The following CCDC148 variants were observed in gnomAD, a reference collection of about 807,000 sequenced individuals.
CCDC148 encodes the protein coiled-coil domain-containing protein 148.
Under a neutral mutation model 85.7 loss-of-function variants are expected in CCDC148, and 89 were observed. That is an observed-to-expected ratio of 1.04 (90% CI 0.87 to 1.24). CCDC148 has a LOEUF of 1.24. CCDC148 is among the 50% of genes most tolerant of loss of function. CCDC148 has a pLI of 0.00. For synonymous variants in CCDC148, 230 were observed against 213.9 expected (o/e 1.08, Z -0.66); for missense variants, 692 against 671.7 (o/e 1.03, Z -0.33).
At chr2:158,229,435 G>T (rs143311682) in intron 10 of CCDC148, among the ~76,000 whole-genome samples, 2 of 152,152 alleles carry the variant, frequency 1.3e-5, no homozygotes, top group African/African-American at 4.8e-5. Context: ...TGACATAATT[G>T]TAGGAACTAG....
At chr2:158,365,171 G>T (rs1684141186) in intron 1 of CCDC148, among the ~76,000 whole-genome samples, 2 of 152,180 alleles carry the variant, frequency 1.3e-5, no homozygotes, top group Admixed American at 6.6e-5. Flanking sequence ...TACTGGAGAA[G>T]ATGTGAAGAA....
intron 1 of CCDC148, among the ~76,000 whole-genome samples, chr2:158,421,068 G>A (rs1239889788): frequency 2.0e-5 from 3 of 152,022 alleles, no homozygotes; most frequent in Non-Finnish European, 1.5e-5. Flanking sequence ...CTCAATACAG[G>A]AGCACCCAGA....
At chr2:158,405,165 A>AGGAACAGG (rs1445435447) in intron 1 of CCDC148, among the ~76,000 whole-genome samples, 1 of 152,130 alleles carries the variant, frequency 6.6e-6, no homozygotes, top group Non-Finnish European at 1.5e-5. Context: ...TAGGGCCAGG[A>AGGAACAGG]GGAACAGGGG....
chr2:158,217,470 T>G lies in CCDC148; in HGVS notation c.1370+3125A>C, dbSNP rs11678604. Among the ~76,000 whole-genome samples, 688 of 151,594 alleles carry G rather than the reference T, an allele frequency of 4.5e-3. 9 individuals are homozygous for G. Among genetic ancestry groups the G allele is most frequent in the Admixed American group, 0.026 (395 of 15,212 alleles). On this transcript the variant is annotated intron_variant, in intron 11 of 13. Transcript: ENST00000283233. ...CAGGCTGGAGTGCGGTAGCACGATC[T>G]CAGCTCACTGCAAGCTCCGCCTCCT...
chr2:158,250,675 T>C (rs934835755), intron 10 of CCDC148, 97 bp downstream of exon 10: 51 of 1,424,406 alleles, frequency 3.6e-5, no homozygotes, highest in Non-Finnish European at 4.4e-5. Flanking sequence ...TTCTCAGAAC[T>C]GCTTATGAGA....
At position 158,313,845 on chromosome 2, in the gene CCDC148, C is replaced by T; in HGVS notation, c.814G>A (p.Asp272Asn). The change falls in exon 8 of 14, where the codon GAT becomes AAT. Residue 272 changes from aspartate to asparagine, a missense_variant. Asp to Asn is a conservative substitution (Grantham distance 23). Transcript: ENST00000283233. Reference sequence around the variant, plus strand: ...CCAAAGAGATCTCCAGGGTACTGATCCAAAATAGCCTGGTAAATCCAGTGG... The same window carrying T: ...CCAAAGAGATCTCCAGGGTACTGATTCAAAATAGCCTGGTAAATCCAGTGG... ...EDHWIYQAILDQYPGDLFGRR... is the reference protein window; with the variant it reads ...EDHWIYQAILNQYPGDLFGRR... The T allele has an allele frequency of 6.2e-7, 1 of 1,613,802 alleles. No individual in the cohort carries two copies. Among genetic ancestry groups the T allele is most frequent in the Non-Finnish European group, 8.5e-7 (1 of 1,179,874 alleles).
At chr2:158,218,046 A>G (rs16842775) in intron 11 of CCDC148, among the ~76,000 whole-genome samples, 20,976 of 152,182 alleles carry the variant, frequency 0.14, 1,946 homozygotes, top group African/African-American at 0.27. Flanking sequence ...AAGTCACAAA[A>G]TGAGGAATAT....
chr2:158,282,988 A>T (rs1690407817), intron 9 of CCDC148, among the ~76,000 whole-genome samples: 2 of 152,336 alleles, frequency 1.3e-5, no homozygotes, highest in Admixed American at 1.3e-4. Context: ...ATCTACAACT[A>T]TGTGATCTTT....
At chr2:158,416,672 G>A (rs1686513173) in intron 1 of CCDC148, among the ~76,000 whole-genome samples, 1 of 152,170 alleles carries the variant, frequency 6.6e-6, no homozygotes, top group African/African-American at 2.4e-5. Flanking sequence ...AACTGAACAA[G>A]TCTCTATGAA....
intron 1 of CCDC148, among the ~76,000 whole-genome samples, chr2:158,359,399 C>G (rs1683824716): frequency 6.6e-6 from 1 of 152,118 alleles, no homozygotes; most frequent in Non-Finnish European, 1.5e-5. Context: ...GCAATATGGC[C>G]AAATAGGAAC....
chr2:158,249,668 T>C (rs1228146608), intron 10 of CCDC148, among the ~76,000 whole-genome samples: 1 of 152,108 alleles, frequency 6.6e-6, no homozygotes, highest in Admixed American at 6.6e-5. Context: ...AACAAATCAA[T>C]AACAATGACA....
intron 8 of CCDC148, among the ~76,000 whole-genome samples, chr2:158,310,368 T>C (rs930395760): frequency 1.0e-4 from 16 of 152,388 alleles, no homozygotes; most frequent in African/African-American, 3.6e-4. Context: ...TTCTTTTCCC[T>C]ACATTTCCCC....
chr2:158,421,287 T>C (rs1334046507), intron 1 of CCDC148, among the ~76,000 whole-genome samples: 3 of 152,186 alleles, frequency 2.0e-5, no homozygotes, highest in African/African-American at 7.2e-5. Flanking sequence ...GAATACACAT[T>C]CTTCTCAGCA....
chr2:158,215,064 G>T (rs1261230416), intron 11 of CCDC148, among the ~76,000 whole-genome samples: 1 of 152,084 alleles, frequency 6.6e-6, no homozygotes, highest in Non-Finnish European at 1.5e-5. Flanking sequence ...TATCAATGTA[G>T]AACTATAAAC....
At chr2:158,393,402 G>A (rs192547079) in intron 1 of CCDC148, 1 of 152,314 alleles carries the variant, frequency 6.6e-6, no homozygotes, top group East Asian at 1.9e-4. Context: ...GGAGGGCCAA[G>A]GTGGAGAAAG....
At chr2:158,395,611 A>G (rs1685488918) in intron 1 of CCDC148, among the ~76,000 whole-genome samples, 1 of 152,158 alleles carries the variant, frequency 6.6e-6, no homozygotes, top group Non-Finnish European at 1.5e-5. Context: ...AGTCATGCTG[A>G]ACAACATGGA....
In CCDC148 at chr2:158,323,084, T is replaced by A. The variant is rs1360066664; in HGVS notation, c.765-9190A>T. 2.6e-5 allele frequency among the ~76,000 whole-genome samples: 4 copies of A among 152,154 alleles called. 1 individual carries two copies. The East Asian group carries it at 7.7e-4, about 29-fold the overall frequency. On this transcript the variant is annotated intron_variant, in intron 7 of 13. Transcript: ENST00000283233. ...ACTTGTCTTCATGTTACTGATGAAATACAGCCCAAATAGAATCTAAATAGC... is the reference window on the plus strand; with the variant it reads ...ACTTGTCTTCATGTTACTGATGAAAAACAGCCCAAATAGAATCTAAATAGC...
chr2:158,183,482 C>T (rs1685004840), intron 11 of CCDC148, among the ~76,000 whole-genome samples: 1 of 152,062 alleles, frequency 6.6e-6, no homozygotes, highest in Admixed American at 6.6e-5. Flanking sequence ...AGCTAACTTT[C>T]CTCTCAAAAG....
intron 1 of CCDC148, among the ~76,000 whole-genome samples, chr2:158,429,299 T>A (rs977678948): frequency 6.6e-6 from 1 of 152,002 alleles, no homozygotes; most frequent in South Asian, 2.1e-4. Context: ...AATAAAAAAA[T>A]AAGTTTGAAA....
Sources: gnomAD v4.1 joint callset for allele counts (sites outside exome capture counted in the v4.1 genomes callset) on GRCh38, gnomAD v4.1.1 for gene constraint, MANE v1.5 for transcripts, NCBI Gene and HGNC (gene_info 2026-07-23, HGNC 2026-07-21) for gene names.